Variants in PCSK5 observed in about 807,000 individuals in gnomAD.
PCSK5 encodes the protein proprotein convertase subtilisin/kexin type 5, also known as prohormone convertase 5.
Under a neutral mutation model 233.2 loss-of-function variants are expected in PCSK5, and 129 were observed. The ratio of observed to expected loss-of-function variants is 0.55; its 90% confidence interval spans 0.48 to 0.64. PCSK5 has a LOEUF of 0.64. Among genes scored for constraint, PCSK5 ranks in the 30% least tolerant of loss-of-function variants. The pLI is 0.00. For missense variants in PCSK5, 2,076 were observed against 2,430.1 expected (o/e 0.85, Z 3.06); for synonymous variants, 825 against 879.2 (o/e 0.94, Z 1.09).
chr9:75,917,232 A>G (rs1278210055), intron 1 of PCSK5, among the ~76,000 whole-genome samples: 2 of 151,996 alleles, frequency 1.3e-5, no homozygotes, highest in Non-Finnish European at 2.9e-5. Flanking sequence ...TATTGGTGTT[A>G]CATAGGATAA....
intron 35 of PCSK5, among the ~76,000 whole-genome samples, chr9:76,339,550 T>C (rs986915520): frequency 6.6e-6 from 1 of 151,982 alleles, no homozygotes; most frequent in Non-Finnish European, 1.5e-5. Context: ...TAATAAGTGT[T>C]TTTGTTTGTT....
chr9:76,361,150 G>GC lies in PCSK5; in HGVS notation c.*2229dup, dbSNP rs921983743. 22 of 152,064 alleles carry GC rather than the reference G, an allele frequency of 1.4e-4. No individual in the cohort carries two copies. The highest frequency in any genetic ancestry group is 4.6e-4 in the African/African-American group (19 of 41,460). The allele number at this position is 152,064 out of a possible 1,614,324, so 9.4% of individuals were successfully genotyped here. A position where few individuals can be genotyped will look rare whatever the true frequency, so the allele number is the denominator to read the frequency against. ...ACCTGAAGTCAGGAGTTTGATACCA[G>GC]CTTAGCCAACATGGTGAAACCCCAT... On this transcript the variant is annotated 3_prime_UTR_variant, in exon 38 of 38. Coordinates refer to ENST00000674117, the MANE Select transcript of PCSK5 (RefSeq NM_001372043.1).
At chr9:76,183,110 C>T (rs1369062798) in intron 16 of PCSK5, among the ~76,000 whole-genome samples, 1 of 152,106 alleles carries the variant, frequency 6.6e-6, no homozygotes. Flanking sequence ...CAGAAATATG[C>T]AGTATTCCTT....
chr9:76,230,631 C>T (rs1398243151), intron 21 of PCSK5, among the ~76,000 whole-genome samples: 1 of 152,216 alleles, frequency 6.6e-6, no homozygotes, highest in Non-Finnish European at 1.5e-5. Context: ...GAAGCCTCGT[C>T]TGTATTTATA....
At chr9:75,908,978 T>TCTATCTATCTATCTATCTAA (rs1485228551) in intron 1 of PCSK5, among the ~76,000 whole-genome samples, 22 of 150,474 alleles carry the variant, frequency 1.5e-4, no homozygotes, top group African/African-American at 5.4e-4. Context: ...TATCTATCTA[T>TCTATCTATCTATCTATCTAA]CTATCTATCT....
At chr9:75,940,188 C>T (rs190249565) in intron 2 of PCSK5, among the ~76,000 whole-genome samples, 2 of 152,304 alleles carry the variant, frequency 1.3e-5, no homozygotes, top group Admixed American at 6.5e-5. Context: ...AGAGATTTAA[C>T]GTGTTGGTTA....
At chr9:75,991,026 A>C (rs1363677388) in intron 3 of PCSK5, among the ~76,000 whole-genome samples, 1 of 152,212 alleles carries the variant, frequency 6.6e-6, no homozygotes, top group East Asian at 1.9e-4. Flanking sequence ...GCATTTTGCC[A>C]CACTTTCATG....
chr9:75,983,770 A>G (rs1294743790), intron 2 of PCSK5, among the ~76,000 whole-genome samples: 1 of 152,218 alleles, frequency 6.6e-6, no homozygotes, highest in African/African-American at 2.4e-5. Context: ...GCTTCTTGGC[A>G]AGAAATAAAA....
At chr9:76,017,049 G>A (rs1280261236) in intron 3 of PCSK5, among the ~76,000 whole-genome samples, 1 of 151,714 alleles carries the variant, frequency 6.6e-6, no homozygotes, top group African/African-American at 2.4e-5. Context: ...TAGTAGATGG[G>A]GACCATGGTT....
chr9:76,118,027 A>C (rs909852705), intron 9 of PCSK5, among the ~76,000 whole-genome samples: 3 of 152,106 alleles, frequency 2.0e-5, no homozygotes, highest in African/African-American at 7.2e-5. Context: ...CATTGCTCTG[A>C]ATTTAGGTGC....
chr9:76,008,468 C>CT (rs1330680894), intron 3 of PCSK5, among the ~76,000 whole-genome samples: 6,449 of 143,338 alleles, frequency 0.045, 422 homozygotes, highest in African/African-American at 0.15. Context: ...TTCTTTTTGC[C>CT]TTTTTTTTTT....
chr9:76,214,264 T>A (rs1825438288), intron 20 of PCSK5, among the ~76,000 whole-genome samples: 1 of 151,432 alleles, frequency 6.6e-6, no homozygotes, highest in Admixed American at 6.6e-5. Context: ...GAGTCTAGGA[T>A]TGCATGTTTG....
At chr9:76,310,957 C>CAGAGA in intron 30 of PCSK5, 106 bp downstream of exon 30, 2 of 760,336 alleles carry the variant, frequency 2.6e-6, no homozygotes, top group Non-Finnish European at 4.1e-6. Context: ...GCTCTACGAG[C>CAGAGA]ACCCACATAA....
chr9:76,289,511 G>A (rs58192487), intron 24 of PCSK5, among the ~76,000 whole-genome samples: 10,393 of 63,750 alleles, frequency 0.16, 463 homozygotes, highest in African/African-American at 0.23. Context: ...ACACACACAC[G>A]CAACATACAC....
intron 8 of PCSK5, among the ~76,000 whole-genome samples, chr9:76,101,990 G>C (rs995284792): frequency 6.6e-6 from 1 of 152,124 alleles, no homozygotes; most frequent in Non-Finnish European, 1.5e-5. Context: ...ATCCAGATGT[G>C]TTTTTGTTTA....
At chr9:76,155,051 C>T (rs1172790310) in intron 10 of PCSK5, among the ~76,000 whole-genome samples, 1 of 152,042 alleles carries the variant, frequency 6.6e-6, no homozygotes, top group Non-Finnish European at 1.5e-5. Flanking sequence ...AATATGCTTA[C>T]TTTTTAATTT....
At chr9:76,281,137 A>G (rs1413970120) in intron 24 of PCSK5, among the ~76,000 whole-genome samples, 1 of 152,258 alleles carries the variant, frequency 6.6e-6, no homozygotes, top group Non-Finnish European at 1.5e-5. Flanking sequence ...AGCTGCAGCA[A>G]ATGGTTCAGC....
intron 10 of PCSK5, among the ~76,000 whole-genome samples, chr9:76,134,468 G>A (rs1587670751): frequency 6.6e-6 from 1 of 151,880 alleles, no homozygotes; most frequent in South Asian, 2.1e-4. Flanking sequence ...TGTATAGTCG[G>A]CCTATGGGAC....
intron 22 of PCSK5, among the ~76,000 whole-genome samples, chr9:76,236,958 C>T (rs571665177): frequency 2.0e-5 from 3 of 152,298 alleles, no homozygotes; most frequent in Admixed American, 1.3e-4. Context: ...GCCTTAGACT[C>T]CCTCTAAGCA....
Sources: gnomAD v4.1 joint callset for allele counts (sites outside exome capture counted in the v4.1 genomes callset) on GRCh38, gnomAD v4.1.1 for gene constraint, MANE v1.5 for transcripts, NCBI Gene and HGNC (gene_info 2026-07-23, HGNC 2026-07-21) for gene names.